HMBOX1: variants seen among roughly 807,000 people sequenced by gnomAD.
The protein encoded by HMBOX1 is homeobox-containing protein 1.
A neutral mutation model predicts 54.5 loss-of-function variants in HMBOX1; 14 were observed. The observed-to-expected ratio is 0.26, with a 90% CI of 0.17 to 0.40. HMBOX1 has a LOEUF of 0.40. Ranked by LOEUF, HMBOX1 falls within the 10% of genes least tolerant of loss-of-function variation. HMBOX1 has a pLI of 1.00. For synonymous variants in HMBOX1, 160 were observed against 181.0 expected (o/e 0.88, Z 0.93); for missense variants, 332 against 514.4 (o/e 0.65, Z 3.43).
At chr8:28,984,353 A>G (rs937735676) in intron 4 of HMBOX1, among the ~76,000 whole-genome samples, 4 of 152,252 alleles carry the variant, frequency 2.6e-5, no homozygotes, top group Admixed American at 6.5e-5. Context: ...GGTGCATAAC[A>G]AAAGAAAATG....
intron 1 of HMBOX1, among the ~76,000 whole-genome samples, chr8:28,961,614 T>A (rs946552108): frequency 1.3e-5 from 2 of 152,228 alleles, no homozygotes; most frequent in Non-Finnish European, 2.9e-5. Flanking sequence ...CCAGTGGACA[T>A]TTGGGTTATT....
At chr8:28,994,221 C>T (rs114126437) in intron 4 of HMBOX1, among the ~76,000 whole-genome samples, 1,539 of 150,730 alleles carry the variant, frequency 0.01, 21 homozygotes, top group African/African-American at 0.031. Flanking sequence ...CAAATTTGCC[C>T]TACCAGATAT....
intron 1 of HMBOX1, among the ~76,000 whole-genome samples, chr8:28,946,579 A>T (rs4732658): frequency 0.44 from 66,490 of 150,236 alleles, 15,783 homozygotes; most frequent in Non-Finnish European, 0.54. Context: ...CAAAAAAAAA[A>T]AAATATATAC....
chr8:28,961,361 C>G (rs1348318688), intron 1 of HMBOX1, among the ~76,000 whole-genome samples: 1 of 152,118 alleles, frequency 6.6e-6, no homozygotes, highest in Non-Finnish European at 1.5e-5. Context: ...TAAATAATAA[C>G]TTCTCATTAT....
intron 1 of HMBOX1, among the ~76,000 whole-genome samples, chr8:28,893,894 A>T (rs539580384): frequency 1.3e-5 from 2 of 152,286 alleles, no homozygotes; most frequent in South Asian, 4.1e-4. Context: ...ATTTCATTGT[A>T]GCTCTTGCTT....
chr8:29,047,268 A>T (rs1294617775), intron 7 of HMBOX1, 90 bp from the exon 8 acceptor site: 3 of 789,182 alleles, frequency 3.8e-6, no homozygotes, highest in African/African-American at 3.5e-5. Context: ...CGTAATCAAA[A>T]GCAACAAAAT....
intron 1 of HMBOX1, among the ~76,000 whole-genome samples, chr8:28,915,328 C>T (rs1464170481): frequency 7.9e-5 from 12 of 152,002 alleles, no homozygotes; most frequent in South Asian, 4.2e-4. Flanking sequence ...GAAGCTGAGG[C>T]GGGCGGATCA....
intron 1 of HMBOX1, among the ~76,000 whole-genome samples, chr8:28,913,897 TC>T (rs1315339846): frequency 7.6e-6 from 1 of 132,118 alleles, no homozygotes; most frequent in Non-Finnish European, 1.6e-5. Context: ...AGGGATGGAG[TC>T]TCACTCTTGT....
intron 1 of HMBOX1, among the ~76,000 whole-genome samples, chr8:28,951,466 CAAAT>C (rs1271446820): frequency 2.6e-5 from 4 of 152,030 alleles, no homozygotes; most frequent in Non-Finnish European, 5.9e-5. Flanking sequence ...AGATAATAGA[CAAAT>C]AAAATCAATA....
chr8:28,909,456 G>C (rs1393574884), intron 1 of HMBOX1, among the ~76,000 whole-genome samples: 2 of 152,132 alleles, frequency 1.3e-5, no homozygotes, highest in Non-Finnish European at 2.9e-5. Context: ...TAAACACTTA[G>C]TCTCAATTTC....
chr8:28,983,462 C>T (rs1829716225), intron 4 of HMBOX1, among the ~76,000 whole-genome samples: 1 of 152,188 alleles, frequency 6.6e-6, no homozygotes, highest in African/African-American at 2.4e-5. Flanking sequence ...TGTTGTTACC[C>T]TCATTTTAAC....
intron 1 of HMBOX1, among the ~76,000 whole-genome samples, chr8:28,923,808 C>T (rs560476099): frequency 1.3e-5 from 2 of 151,968 alleles, no homozygotes; most frequent in East Asian, 1.9e-4. Context: ...TTTTAGCCAT[C>T]GTAGTGTGAA....
chr8:28,953,449 T>G (rs1038642270), intron 1 of HMBOX1, among the ~76,000 whole-genome samples: 3 of 152,244 alleles, frequency 2.0e-5, no homozygotes, highest in African/African-American at 4.8e-5. Flanking sequence ...GTTTCCTGCC[T>G]GTTTAAAACA....
chr8:28,919,406 C>T (rs1018983014), intron 1 of HMBOX1, among the ~76,000 whole-genome samples: 6 of 152,056 alleles, frequency 3.9e-5, no homozygotes, highest in Admixed American at 6.5e-5. Flanking sequence ...TAAAATGATT[C>T]GGGAAATGTT....
At chr8:29,044,260 G>T (rs1872923) in intron 6 of HMBOX1, among the ~76,000 whole-genome samples, 9 of 151,892 alleles carry the variant, frequency 5.9e-5, no homozygotes, top group Non-Finnish European at 1.2e-4. Flanking sequence ...TGGATTACAG[G>T]GAAAGGGAAA....
rs369792574 is a variant in HMBOX1 at position 28,971,695 on chromosome 8, A to G, written c.500+1176A>G. On this transcript the variant is annotated intron_variant, in intron 3 of 9. Transcript: ENST00000287701. ...TGATGGGTAAGACAATGTAATATGA[A>G]TAATATATTAGGAGACAAAACAGGT... Among the ~76,000 whole-genome samples, 31 of 152,306 alleles carry G rather than the reference A, an allele frequency of 2.0e-4. 1 individual carries two copies. The highest frequency in any genetic ancestry group is 7.0e-4 in the African/African-American group (29 of 41,556).
chr8:28,987,869 A>G (rs934380904), intron 4 of HMBOX1, among the ~76,000 whole-genome samples: 2 of 152,182 alleles, frequency 1.3e-5, no homozygotes, highest in Admixed American at 6.5e-5. Context: ...AAATTTAACT[A>G]TATCATTTGA....
At chr8:29,041,183 A>T (rs902167460) in intron 6 of HMBOX1, among the ~76,000 whole-genome samples, 4 of 152,128 alleles carry the variant, frequency 2.6e-5, no homozygotes, top group East Asian at 3.8e-4. Context: ...ATTTTTTTTA[A>T]AATTTTTTCT....
At chr8:28,979,412 A>G (rs1828981281) in intron 3 of HMBOX1, among the ~76,000 whole-genome samples, 1 of 152,240 alleles carries the variant, frequency 6.6e-6, no homozygotes, top group South Asian at 2.1e-4. Context: ...ACAGAATATT[A>G]TGTAGTTTTA....
Sources: gnomAD v4.1 joint callset for allele counts (sites outside exome capture counted in the v4.1 genomes callset) on GRCh38, gnomAD v4.1.1 for gene constraint, MANE v1.5 for transcripts, NCBI Gene and HGNC (gene_info 2026-07-23, HGNC 2026-07-21) for gene names.